The following OLFM3 variants were observed in gnomAD, a reference collection of about 807,000 sequenced individuals.
OLFM3 encodes the protein olfactomedin 3.
A neutral mutation model predicts 48.6 loss-of-function variants in OLFM3; 20 were observed. That is an observed-to-expected ratio of 0.41 (90% CI 0.29 to 0.60). The LOEUF (loss-of-function observed/expected upper bound fraction) is 0.60. Ranked by LOEUF, OLFM3 falls within the 20% of genes least tolerant of loss-of-function variation. The pLI is 0.28. For synonymous variants in OLFM3, 222 were observed against 198.1 expected (o/e 1.12, Z -1.01); for missense variants, 437 against 544.3 (o/e 0.80, Z 1.96).
At chr1:101,845,178 CTTA>C (rs1459036279) in intron 1 of OLFM3, among the ~76,000 whole-genome samples, 1 of 151,220 alleles carries the variant, frequency 6.6e-6, no homozygotes, top group Non-Finnish European at 1.5e-5. Context: ...TTATTATTTT[CTTA>C]TTATTATTAT....
chr1:101,814,270 T>TC (rs1654221615), intron 4 of OLFM3, among the ~76,000 whole-genome samples: 1 of 151,976 alleles, frequency 6.6e-6, no homozygotes, highest in African/African-American at 2.4e-5. Flanking sequence ...GCTAAGGTTT[T>TC]TTTTTTTTTT....
intron 4 of OLFM3, among the ~76,000 whole-genome samples, chr1:101,808,807 G>C (rs1040765039): frequency 2.0e-5 from 3 of 151,720 alleles, no homozygotes; most frequent in Non-Finnish European, 4.4e-5. Context: ...AGGATGGCCA[G>C]ATATTTTCAA....
At chr1:101,984,669 G>T (rs923419026) in intron 1 of OLFM3, among the ~76,000 whole-genome samples, 1 of 152,094 alleles carries the variant, frequency 6.6e-6, no homozygotes, top group Non-Finnish European at 1.5e-5. Context: ...CAAAGTGCTG[G>T]GATTACAGGC....
At chr1:101,987,430 A>G (rs1422949442) in intron 1 of OLFM3, among the ~76,000 whole-genome samples, 5 of 152,196 alleles carry the variant, frequency 3.3e-5, no homozygotes, top group Admixed American at 2.6e-4. Context: ...AGAGGTCTTT[A>G]GAGAGTCTTG....
chr1:101,950,507 C>A (rs1314315765), intron 1 of OLFM3, among the ~76,000 whole-genome samples: 2 of 150,568 alleles, frequency 1.3e-5, no homozygotes, highest in African/African-American at 4.9e-5. Flanking sequence ...GGCGCCATCT[C>A]GGCTCACTGC....
intron 4 of OLFM3, among the ~76,000 whole-genome samples, chr1:101,822,936 TATC>T (rs1654678181): frequency 6.6e-6 from 1 of 152,068 alleles, no homozygotes; most frequent in Non-Finnish European, 1.5e-5. Flanking sequence ...TGCTTAGTCT[TATC>T]ATGCCCTGCC....
rs560851884 is a variant in OLFM3, at chr1:101,809,074, T to C, written c.593-2892A>G. On this transcript the variant is annotated intron_variant, in intron 4 of 5. Coordinates refer to ENST00000370103, the MANE Select transcript of OLFM3 (RefSeq NM_058170.4). ...AAAAATGAAAATAAGAGAAAAAATA[T>C]GGAGGCATCTAGGATCAATCTAGAA... Among the ~76,000 whole-genome samples the C allele has an allele frequency of 1.2e-4, 18 of 151,608 alleles. No homozygotes were observed. The East Asian group carries it at 2.9e-3, about 25-fold the overall frequency.
intron 1 of OLFM3, among the ~76,000 whole-genome samples, chr1:101,864,877 G>A (rs1656796978): frequency 6.6e-6 from 1 of 152,104 alleles, no homozygotes; most frequent in Non-Finnish European, 1.5e-5. Flanking sequence ...TTATCTCCCT[G>A]TTCAAGGCTT....
At chr1:101,956,088 T>TG (rs200570353) in intron 1 of OLFM3, among the ~76,000 whole-genome samples, 5 of 117,966 alleles carry the variant, frequency 4.2e-5, no homozygotes, top group East Asian at 4.3e-4. Context: ...AATAACAGGT[T>TG]TTTTTTTTTT....
At chr1:101,885,552 T>C (rs1043822782) in intron 1 of OLFM3, among the ~76,000 whole-genome samples, 1 of 152,072 alleles carries the variant, frequency 6.6e-6, no homozygotes, top group African/African-American at 2.4e-5. Context: ...GCCTCTGTCA[T>C]GGAGACAGCA....
chr1:101,886,223 T>C (rs987734734), intron 1 of OLFM3, among the ~76,000 whole-genome samples: 5 of 151,774 alleles, frequency 3.3e-5, no homozygotes, highest in Admixed American at 3.3e-4. Context: ...ATTTGAAATG[T>C]GTAAGAAAAC....
chr1:101,839,219 A>T (rs1655589719), intron 1 of OLFM3, among the ~76,000 whole-genome samples: 1 of 152,180 alleles, frequency 6.6e-6, no homozygotes, highest in African/African-American at 2.4e-5. Context: ...ACTCGTTAAC[A>T]TTCTCCCCAT....
intron 1 of OLFM3, among the ~76,000 whole-genome samples, chr1:101,864,725 G>A (rs1184854939): frequency 6.6e-6 from 1 of 152,108 alleles, no homozygotes; most frequent in Non-Finnish European, 1.5e-5. Context: ...GTGGTTGAGG[G>A]GGTTTTGTGA....
chr1:101,887,814 G>A (rs1313701952), intron 1 of OLFM3, among the ~76,000 whole-genome samples: 1 of 151,106 alleles, frequency 6.6e-6, no homozygotes, highest in African/African-American at 2.4e-5. Flanking sequence ...CCACAGCTGA[G>A]CACATTATAC....
chr1:101,942,207 A>C (rs750830174), intron 1 of OLFM3, among the ~76,000 whole-genome samples: 4 of 152,192 alleles, frequency 2.6e-5, no homozygotes, highest in Non-Finnish European at 4.4e-5. Flanking sequence ...ATAGATATAC[A>C]CATATACAAA....
chr1:101,862,562 A>G (rs1387306109), intron 1 of OLFM3, among the ~76,000 whole-genome samples: 5 of 152,214 alleles, frequency 3.3e-5, no homozygotes, highest in Admixed American at 6.5e-5. Context: ...CTGAAAACTT[A>G]GCTAGCCAAT....
intron 1 of OLFM3, among the ~76,000 whole-genome samples, chr1:101,992,508 C>T (rs1020933955): frequency 1.8e-4 from 28 of 151,980 alleles, no homozygotes; most frequent in African/African-American, 6.5e-4. Context: ...ATTTTCTGTT[C>T]TAATTTGAGT....
chr1:101,906,033 AT>A, intron 1 of OLFM3, among the ~76,000 whole-genome samples: 1 of 152,250 alleles, frequency 6.6e-6, no homozygotes, highest in South Asian at 2.1e-4. Flanking sequence ...AAAAGCTGTA[AT>A]AGGGCTGAAT....
intron 4 of OLFM3, among the ~76,000 whole-genome samples, chr1:101,811,567 C>A (rs571922860): frequency 6.6e-6 from 1 of 152,258 alleles, no homozygotes; most frequent in East Asian, 1.9e-4. Context: ...ATTTATGCAG[C>A]CAACAGACAT....
Sources: gnomAD v4.1 joint callset for allele counts (sites outside exome capture counted in the v4.1 genomes callset) on GRCh38, gnomAD v4.1.1 for gene constraint, MANE v1.5 for transcripts, NCBI Gene and HGNC (gene_info 2026-07-23, HGNC 2026-07-21) for gene names.